Variants in SMG7 observed in about 807,000 individuals in gnomAD.
SMG7 encodes the protein SMG7 nonsense mediated mRNA decay factor, also known as nonsense-mediated mRNA decay factor SMG7.
In SMG7, 34 loss-of-function variants were observed where a neutral mutation model predicts 148.2. The ratio of observed to expected loss-of-function variants is 0.23; its 90% CI spans 0.17 to 0.31. The LOEUF is 0.31. Among genes scored for constraint, SMG7 ranks in the 10% least tolerant of loss-of-function variants. SMG7 has a pLI of 1.00. For synonymous variants in SMG7, 492 were observed against 515.1 expected (o/e 0.96, Z 0.61); for missense variants, 1,114 against 1,408.4 (o/e 0.79, Z 3.35).
intron 2 of SMG7, 182 bp downstream of exon 2, chr1:183,513,050 G>A (rs1166702888): frequency 3.7e-6 from 2 of 547,212 alleles, no homozygotes; most frequent in Non-Finnish European, 6.3e-6. Flanking sequence ...TTAAATAACT[G>A]TTGGGAATTG....
At chr1:183,504,172 T>C (rs1660381388) in intron 1 of SMG7, among the ~76,000 whole-genome samples, 1 of 152,150 alleles carries the variant, frequency 6.6e-6, no homozygotes, top group African/African-American at 2.4e-5. Flanking sequence ...TCACCTTACC[T>C]AGAGTTCCTT....
At chr1:183,477,853 T>G (rs750766194) in intron 1 of SMG7, among the ~76,000 whole-genome samples, 1 of 152,174 alleles carries the variant, frequency 6.6e-6, no homozygotes, top group Non-Finnish European at 1.5e-5. Context: ...TTTTGTATGA[T>G]ACATGTATAG....
chr1:183,521,858 C>A (rs1183262446), intron 4 of SMG7, among the ~76,000 whole-genome samples: 532 of 128,866 alleles, frequency 4.1e-3, no homozygotes, highest in Middle Eastern at 8.8e-3. Flanking sequence ...GACCTTGTCT[C>A]AAAAAAAAAA....
intron 1 of SMG7, among the ~76,000 whole-genome samples, chr1:183,503,248 G>A (rs1053160085): frequency 1.3e-5 from 2 of 152,204 alleles, no homozygotes; most frequent in Non-Finnish European, 2.9e-5. Flanking sequence ...CAAATAATAA[G>A]TGATTAAACT....
At chr1:183,519,744 A>C (rs998880864) in intron 4 of SMG7, among the ~76,000 whole-genome samples, 6 of 152,126 alleles carry the variant, frequency 3.9e-5, no homozygotes, top group Non-Finnish European at 8.8e-5. Context: ...AGACCACACT[A>C]TATATCCATT....
chr1:183,479,429 G>A lies in SMG7; in HGVS notation c.29+6780G>A, dbSNP rs533076098. 1.2e-4 allele frequency among the ~76,000 whole-genome samples: 18 copies of A among 152,216 alleles called. No individual in the cohort carries two copies. In the East Asian group the frequency reaches 3.5e-3, roughly 29 times the overall value. ...TCCACACATTGCCAGATGTCCCCTG[G>A]ATTGTAAATTCACCCCCAGTTGAGA... On this transcript the variant is annotated intron_variant, in intron 1 of 22. Transcript: ENST00000688051.
intron 1 of SMG7, among the ~76,000 whole-genome samples, chr1:183,479,705 G>C (rs1207164748): frequency 1.3e-5 from 2 of 152,080 alleles, no homozygotes; most frequent in Non-Finnish European, 2.9e-5. Context: ...TTATGCCTTT[G>C]GCAAATTAAA....
chr1:183,531,486 C>G (rs528124477), intron 8 of SMG7, among the ~76,000 whole-genome samples: 10 of 152,258 alleles, frequency 6.6e-5, no homozygotes, highest in African/African-American at 2.4e-4. Flanking sequence ...AACTGAATAA[C>G]TTCAACCTTA....
chr1:183,512,721 G>C, intron 1 of SMG7, 116 bp from the exon 2 acceptor site: 1 of 959,342 alleles, frequency 1.0e-6, no homozygotes, highest in South Asian at 1.6e-5. Context: ...TATAGCTGCT[G>C]TATATCCTTA....
At chr1:183,513,770 C>A (rs1014958637) in intron 2 of SMG7, among the ~76,000 whole-genome samples, 3 of 152,028 alleles carry the variant, frequency 2.0e-5, no homozygotes, top group Admixed American at 2.0e-4. Flanking sequence ...TGGCTCACGC[C>A]TGTAATCCCA....
intron 18 of SMG7, among the ~76,000 whole-genome samples, chr1:183,547,630 A>G (rs1046656222): frequency 6.6e-6 from 1 of 152,186 alleles, no homozygotes; most frequent in African/African-American, 2.4e-5. Flanking sequence ...TATTTCTCAT[A>G]TGTAGCCAAA....
At chr1:183,526,414 A>G (rs1157115775) in intron 4 of SMG7, among the ~76,000 whole-genome samples, 182 bp from the exon 5 acceptor site, 1 of 151,992 alleles carries the variant, frequency 6.6e-6, no homozygotes, top group East Asian at 1.9e-4. Context: ...TTGGCCTCCT[A>G]AAGTGCTGGG....
chr1:183,473,268 G>A (rs1179085993), intron 1 of SMG7, among the ~76,000 whole-genome samples: 1 of 152,098 alleles, frequency 6.6e-6, no homozygotes, highest in Admixed American at 6.5e-5. Context: ...TGAGGAAAGA[G>A]GGAGGCACTG....
rs541285342 is a variant in SMG7, at chr1:183,481,014, A to G, written c.29+8365A>G. Among the ~76,000 whole-genome samples, 297 of 152,270 alleles carry G rather than the reference A, an allele frequency of 2.0e-3. 1 individual carries two copies. The highest frequency in any genetic ancestry group is 6.6e-3 in the African/African-American group (276 of 41,558). On this transcript the variant is annotated intron_variant, in intron 1 of 22. Transcript: ENST00000688051. Reference sequence around the variant, plus strand: ...GTTTAACAAATTCTGGTTCTTTTTCAGGTTCTTTACCACCTGTCCCCCTGC... The same window carrying G: ...GTTTAACAAATTCTGGTTCTTTTTCGGGTTCTTTACCACCTGTCCCCCTGC...
At chr1:183,482,886 C>A (rs993991921) in intron 1 of SMG7, among the ~76,000 whole-genome samples, 6 of 152,032 alleles carry the variant, frequency 3.9e-5, no homozygotes, top group Admixed American at 3.3e-4. Flanking sequence ...AGAATCCTCA[C>A]CTTGAGATAA....
At chr1:183,523,215 A>G (rs578064906) in intron 4 of SMG7, among the ~76,000 whole-genome samples, 344 of 152,316 alleles carry the variant, frequency 2.3e-3, no homozygotes, top group Non-Finnish European at 3.8e-3. Context: ...TTCATAATCA[A>G]TCTTTCATTC....
rs138113437 is a variant in SMG7, at chr1:183,498,760, A to G, written c.30-14077A>G. On this transcript the variant is annotated intron_variant, in intron 1 of 22. Transcript: ENST00000688051. Reference sequence around the variant, plus strand: ...ACTCGTGAACTTACATTGACACATCATATTCACCCAAAGTTCATTTTACAT... The same window carrying G: ...ACTCGTGAACTTACATTGACACATCGTATTCACCCAAAGTTCATTTTACAT... Among the ~76,000 whole-genome samples the G allele has an allele frequency of 3.9e-5, 6 of 152,324 alleles. No homozygotes were observed. In the East Asian group the frequency reaches 7.7e-4, roughly 20 times the overall value.
In SMG7 at chr1:183,472,545, G is replaced by C; in HGVS notation, c.-76G>C. 1 of 1,333,868 alleles carries C rather than the reference G, an allele frequency of 7.5e-7. No homozygotes were observed. The allele number at this position is 1,333,868 out of a possible 1,614,324, so 82.6% of individuals were successfully genotyped here. A position where few individuals can be genotyped will look rare whatever the true frequency, so the allele number is the denominator to read the frequency against. ...ATGGCGGCGGCCGCCAGCACCCGCG[G>C]TGCCGCGGGGCCGCTCCGAGGAGCC... is the stretch of plus-strand genomic sequence containing the variant. On this transcript the variant is annotated 5_prime_UTR_variant, in exon 1 of 23. Transcript: ENST00000688051.
intron 3 of SMG7, among the ~76,000 whole-genome samples, chr1:183,516,765 CA>C (rs1663645727): frequency 6.6e-6 from 1 of 152,200 alleles, no homozygotes; most frequent in African/African-American, 2.4e-5. Context: ...TTACGACCAT[CA>C]AAATCCTTAT....
Sources: gnomAD v4.1 joint callset for allele counts (sites outside exome capture counted in the v4.1 genomes callset) on GRCh38, gnomAD v4.1.1 for gene constraint, MANE v1.5 for transcripts, NCBI Gene and HGNC (gene_info 2026-07-23, HGNC 2026-07-21) for gene names.